Variants in PCBP3 observed in about 807,000 individuals in gnomAD.
PCBP3 encodes the protein poly(rC) binding protein 3.
In PCBP3, 25 loss-of-function variants were observed where a neutral mutation model predicts 52.7. The ratio of observed to expected loss-of-function variants is 0.47; its 90% CI spans 0.35 to 0.66. PCBP3 has a LOEUF of 0.66. Among genes scored for constraint, PCBP3 ranks in the 30% least tolerant of loss-of-function variants. The probability of loss-of-function intolerance (pLI) is 0.01; values close to 1 mark genes in which losing one functional copy is unlikely to be tolerated. For missense variants in PCBP3, 391 were observed against 490.3 expected (o/e 0.80, Z 1.91); for synonymous variants, 162 against 183.0 (o/e 0.89, Z 0.93).
intron 3 of PCBP3, among the ~76,000 whole-genome samples, chr21:45,754,315 CTT>C (rs2087824950): frequency 6.6e-6 from 1 of 152,100 alleles, no homozygotes. Context: ...AACAAGAAAA[CTT>C]TTAAATTATG....
chr21:45,743,862 T>G (rs1429511871), intron 3 of PCBP3, among the ~76,000 whole-genome samples: 6 of 152,198 alleles, frequency 3.9e-5, no homozygotes, highest in Non-Finnish European at 8.8e-5. Context: ...ATCCTTTAAA[T>G]AACAAATTTT....
At position 45,783,888 on chromosome 21, in the gene PCBP3, C is replaced by T. The variant is rs116632957; in HGVS notation, c.-126+28436C>T. Among the ~76,000 whole-genome samples the T allele has an allele frequency of 1.9e-3, 295 of 152,236 alleles. 1 individual carries two copies. The highest frequency in any genetic ancestry group is 6.8e-3 in the African/African-American group (284 of 41,540). On this transcript the variant is annotated intron_variant, in intron 4 of 17. Transcript: ENST00000681687. ...AGTTATTCTCCTTCCTGGACCAGGC[C>T]GTGAGCAGGACTTTCACACACACAA...
intron 6 of PCBP3, among the ~76,000 whole-genome samples, chr21:45,897,502 T>C (rs1368817289): frequency 6.6e-6 from 1 of 152,172 alleles, no homozygotes; most frequent in Non-Finnish European, 1.5e-5. Flanking sequence ...TCAGAGCATG[T>C]GTTTCTATCC....
intron 3 of PCBP3, chr21:45,750,962 T>A (rs2087431848): frequency 6.6e-6 from 1 of 152,142 alleles, no homozygotes; most frequent in Non-Finnish European, 1.5e-5. Context: ...TCCCACAATG[T>A]CCTTTCTCTT....
intron 3 of PCBP3, among the ~76,000 whole-genome samples, chr21:45,744,649 A>G (rs1169599687): frequency 6.6e-6 from 1 of 152,156 alleles, no homozygotes; most frequent in East Asian, 1.9e-4. Context: ...ATTTTAGCAT[A>G]CATTATAATT....
chr21:45,784,415 G>T lies in PCBP3; in HGVS notation c.-126+28963G>T, dbSNP rs992724165. Among the ~76,000 whole-genome samples, 533 of 108,012 alleles carry T rather than the reference G, an allele frequency of 4.9e-3. 4 individuals are homozygous for T. Among genetic ancestry groups the T allele is most frequent in the African/African-American group, 0.012 (310 of 25,452 alleles). 70.9% of individuals were successfully genotyped at this position (108,012 alleles called of 152,430 possible). ...CTCTACCGCTACCTCTACCGCTACC[G>T]CTACCCCTACCTCCTACCTCCTACC... On this transcript the variant is annotated intron_variant, in intron 4 of 17. Transcript: ENST00000681687.
intron 4 of PCBP3, among the ~76,000 whole-genome samples, chr21:45,825,936 C>T (rs1390704574): frequency 6.6e-6 from 1 of 152,054 alleles, no homozygotes; most frequent in East Asian, 1.9e-4. Flanking sequence ...TTCCAAGTTA[C>T]TACCTATGAA....
intron 2 of PCBP3, among the ~76,000 whole-genome samples, chr21:45,695,819 G>A (rs942708453): frequency 1.2e-4 from 18 of 152,046 alleles, no homozygotes; most frequent in South Asian, 2.1e-4. Flanking sequence ...GTTGGCTCAC[G>A]TGTGTAATCC....
intron 5 of PCBP3, among the ~76,000 whole-genome samples, chr21:45,888,787 G>A (rs758459620): frequency 4.0e-5 from 6 of 151,612 alleles, no homozygotes; most frequent in Non-Finnish European, 2.9e-5. Flanking sequence ...CAAATCACAC[G>A]TGGACAGTAT....
chr21:45,743,461 C>T (rs1328008611), intron 3 of PCBP3, among the ~76,000 whole-genome samples: 1 of 152,112 alleles, frequency 6.6e-6, no homozygotes, highest in Non-Finnish European at 1.5e-5. Flanking sequence ...GTGTTCATTG[C>T]TACTATTTAG....
At chr21:45,748,859 C>T (rs1225780603) in intron 3 of PCBP3, among the ~76,000 whole-genome samples, 2 of 152,218 alleles carry the variant, frequency 1.3e-5, no homozygotes, top group Admixed American at 1.3e-4. Context: ...TGTTCTGCTT[C>T]CTGCTTCTCT....
At chr21:45,712,271 C>T (rs1019008041) in intron 2 of PCBP3, among the ~76,000 whole-genome samples, 1 of 152,166 alleles carries the variant, frequency 6.6e-6, no homozygotes, top group Non-Finnish European at 1.5e-5. Context: ...TACCAGGGAG[C>T]ACAATTGCTG....
At chr21:45,865,878 C>T (rs1172158848) in intron 5 of PCBP3, among the ~76,000 whole-genome samples, 1 of 152,202 alleles carries the variant, frequency 6.6e-6, no homozygotes, top group Non-Finnish European at 1.5e-5. Flanking sequence ...ACAGCCGGAG[C>T]CTCCCAAAGA....
chr21:45,923,636 C>A (rs546176217), intron 13 of PCBP3, among the ~76,000 whole-genome samples: 1 of 152,286 alleles, frequency 6.6e-6, no homozygotes, highest in East Asian at 1.9e-4. Flanking sequence ...GAAGAACATG[C>A]ATCCAGTTGG....
intron 2 of PCBP3, among the ~76,000 whole-genome samples, chr21:45,697,754 CAAAAAAA>C (rs5844246): frequency 7.6e-6 from 1 of 131,992 alleles, no homozygotes; most frequent in African/African-American, 2.8e-5. Flanking sequence ...GACCCTGTCT[CAAAAAAA>C]AAAAAAAAAA....
chr21:45,731,912 G>C (rs1479370438), intron 2 of PCBP3, among the ~76,000 whole-genome samples: 2 of 151,184 alleles, frequency 1.3e-5, no homozygotes, highest in Non-Finnish European at 2.9e-5. Flanking sequence ...ATCTTTGAAA[G>C]CAATCTTAAA....
intron 2 of PCBP3, among the ~76,000 whole-genome samples, chr21:45,700,640 C>T (rs879890288): frequency 1.3e-5 from 2 of 152,118 alleles, no homozygotes; most frequent in Admixed American, 1.3e-4. Flanking sequence ...CATAGGTATC[C>T]CGTGCATGTG....
At position 45,904,338 on chromosome 21, in the gene PCBP3, G is replaced by A. The variant is rs534744260; in HGVS notation, c.339+3225G>A. On this transcript the variant is annotated intron_variant, in intron 9 of 17. Coordinates refer to ENST00000681687, the MANE Select transcript of PCBP3 (RefSeq NM_001384156.1). The surrounding 1 kb of genome is among the most constrained non-coding windows in gnomAD (Gnocchi z 4.8). Reference sequence around the variant, plus strand: ...GACAGTTTTCATCTTTTGGTCCTTCGGTTTTTCCAGAAGACTGTGGATGCT... The same window carrying A: ...GACAGTTTTCATCTTTTGGTCCTTCAGTTTTTCCAGAAGACTGTGGATGCT... 2.0e-5 allele frequency among the ~76,000 whole-genome samples: 3 copies of A among 152,014 alleles called. No individual in the cohort carries two copies. Among genetic ancestry groups the A allele is most frequent in the Non-Finnish European group, 4.4e-5 (3 of 68,016 alleles).
chr21:45,851,404 C>T (rs754028468), intron 5 of PCBP3, among the ~76,000 whole-genome samples: 67 of 152,088 alleles, frequency 4.4e-4, no homozygotes, highest in Admixed American at 1.7e-3. Flanking sequence ...CCCAGCTACT[C>T]GGGAGGCTGA....
Sources: allele counts gnomAD v4.1 joint callset (sites outside exome capture counted in the v4.1 genomes callset), GRCh38; gene constraint gnomAD v4.1.1; non-coding constraint Gnocchi (gnomAD v3.1); transcripts MANE v1.5; gene names NCBI Gene and HGNC (gene_info 2026-07-23, HGNC 2026-07-21).